Variants in TESC observed in about 807,000 individuals in gnomAD.
TESC encodes the protein tescalcin.
Under a neutral mutation model 31.0 loss-of-function variants are expected in TESC, and 19 were observed. The ratio of observed to expected loss-of-function variants is 0.61; its 90% confidence interval spans 0.43 to 0.90. TESC has a LOEUF of 0.90. Ranked by LOEUF, TESC falls within the 40% of genes least tolerant of loss-of-function variation. TESC has a pLI of 0.00. For missense variants in TESC, 248 were observed against 303.8 expected (o/e 0.82, Z 1.36); for synonymous variants, 109 against 114.8 (o/e 0.95, Z 0.32).
chr12:117,085,436 G>T (rs1955207971), intron 1 of TESC, among the ~76,000 whole-genome samples: 1 of 152,124 alleles, frequency 6.6e-6, no homozygotes, highest in African/African-American at 2.4e-5. Context: ...AAGGTGGAAG[G>T]GCTCAGGGCA....
intron 3 of TESC, among the ~76,000 whole-genome samples, chr12:117,052,523 C>G (rs1052400244): frequency 6.6e-6 from 1 of 152,138 alleles, no homozygotes; most frequent in Admixed American, 6.5e-5. Flanking sequence ...TCTGGGCCAG[C>G]CTTAGTCACT....
intron 3 of TESC, among the ~76,000 whole-genome samples, chr12:117,054,856 C>G (rs113908991): frequency 1.3e-5 from 2 of 152,128 alleles, no homozygotes; most frequent in East Asian, 1.9e-4. Flanking sequence ...ACATGGGGAC[C>G]GTGGGGCAAA....
chr12:117,072,335 G>A (rs1407014461), intron 2 of TESC, among the ~76,000 whole-genome samples: 2 of 152,178 alleles, frequency 1.3e-5, no homozygotes, highest in African/African-American at 4.8e-5. Flanking sequence ...CTCCAGCCTT[G>A]GCCTCCCAAA....
chr12:117,058,163 T>C (rs1246797821), intron 2 of TESC, among the ~76,000 whole-genome samples: 2 of 152,090 alleles, frequency 1.3e-5, no homozygotes, highest in African/African-American at 4.8e-5. Context: ...GAGGTTGCAG[T>C]GAGCCAAGAT....
chr12:117,089,052 C>T (rs1159421229), intron 1 of TESC, among the ~76,000 whole-genome samples: 3 of 152,184 alleles, frequency 2.0e-5, no homozygotes, highest in Admixed American at 2.0e-4. Context: ...GCTGCCTCTG[C>T]ACATCAGGTG....
rs540709921 is a variant in TESC at position 117,096,598 on chromosome 12, G to A, written c.58+2627C>T. 6.1e-3 allele frequency among the ~76,000 whole-genome samples: 922 copies of A among 151,990 alleles called. 11 individuals carry two copies. Among genetic ancestry groups the A allele is most frequent in the African/African-American group, 0.021 (880 of 41,346 alleles). Reference sequence around the variant, plus strand: ...TAAAGCATGGTCAATAACAAACCATGTACATGTGTTTGGTCTAACTACTTC... The same window carrying A: ...TAAAGCATGGTCAATAACAAACCATATACATGTGTTTGGTCTAACTACTTC... On this transcript the variant is annotated intron_variant, in intron 1 of 7. Coordinates refer to ENST00000335209, the MANE Select transcript of TESC (RefSeq NM_017899.4).
chr12:117,077,796 A>C (rs774584243), intron 1 of TESC, among the ~76,000 whole-genome samples: 1 of 152,176 alleles, frequency 6.6e-6, no homozygotes, highest in Non-Finnish European at 1.5e-5. Context: ...AGGAGGAGTA[A>C]CTTGAATGGA....
At chr12:117,099,171 T>A (rs947863612) in intron 1 of TESC, 54 bp downstream of exon 1, 2 of 1,459,018 alleles carry the variant, frequency 1.4e-6, no homozygotes. Context: ...TCCCCAACAG[T>A]GGCCGTTCGG....
intron 2 of TESC, among the ~76,000 whole-genome samples, chr12:117,069,334 T>C (rs919780849): frequency 1.3e-5 from 2 of 152,126 alleles, no homozygotes; most frequent in Non-Finnish European, 2.9e-5. Flanking sequence ...CTCCCTCCCA[T>C]GTTCAAGCGA....
intron 5 of TESC, 39 bp downstream of exon 5, chr12:117,046,738 C>T (rs1339554694): frequency 2.1e-5 from 32 of 1,554,554 alleles, no homozygotes; most frequent in Non-Finnish European, 2.8e-5. Context: ...AGGGGGAAGG[C>T]ACCAGGAGCC....
intron 1 of TESC, among the ~76,000 whole-genome samples, chr12:117,089,546 ATACCC>A (rs1955277253): frequency 6.6e-6 from 1 of 152,222 alleles, no homozygotes; most frequent in Non-Finnish European, 1.5e-5. Flanking sequence ...TGGAAGAACC[ATACCC>A]TATGAAAAAG....
chr12:117,095,426 T>C (rs1038176746), intron 1 of TESC, among the ~76,000 whole-genome samples: 4 of 152,126 alleles, frequency 2.6e-5, no homozygotes, highest in African/African-American at 9.7e-5. Context: ...AAACACCTGA[T>C]TGTACACATC....
At chr12:117,077,783 A>AC (rs1955093207) in intron 1 of TESC, among the ~76,000 whole-genome samples, 1 of 152,176 alleles carries the variant, frequency 6.6e-6, no homozygotes, top group African/African-American at 2.4e-5. Flanking sequence ...GGAGGATGAG[A>AC]TGAGGAGGAG....
chr12:117,046,465 T>C (rs1424419814), intron 6 of TESC, 94 bp downstream of exon 6: 24 of 1,244,510 alleles, frequency 1.9e-5, no homozygotes, highest in African/African-American at 3.0e-5. Context: ...GGTGGCAGAA[T>C]ACACCTGGCC....
chr12:117,039,081 G>T lies in TESC; in HGVS notation c.*52C>A. 1 of 1,594,262 alleles carries T rather than the reference G, an allele frequency of 6.3e-7. No individual in the cohort carries two copies. Among genetic ancestry groups the T allele is most frequent in the East Asian group, 2.3e-5 (1 of 44,100 alleles). Reference sequence around the variant, plus strand: ...CGGGCCTGGGCTGCTCCAGCTACGCGGGGAGGCGGCCCCATTGCAAAGTGC... The same window carrying T: ...CGGGCCTGGGCTGCTCCAGCTACGCTGGGAGGCGGCCCCATTGCAAAGTGC... On this transcript the variant is annotated 3_prime_UTR_variant, in exon 8 of 8. Transcript: ENST00000335209.
At chr12:117,077,431 A>G (rs567245287) in intron 1 of TESC, among the ~76,000 whole-genome samples, 1 of 152,384 alleles carries the variant, frequency 6.6e-6, no homozygotes, top group African/African-American at 2.4e-5. Flanking sequence ...AGGTATATAC[A>G]CAAATAACGC....
chr12:117,077,442 AT>A (rs1217587096), intron 1 of TESC, among the ~76,000 whole-genome samples: 6 of 152,246 alleles, frequency 3.9e-5, no homozygotes, highest in African/African-American at 9.6e-5. Flanking sequence ...CAAATAACGC[AT>A]ACTTCTGTTC....
intron 2 of TESC, among the ~76,000 whole-genome samples, chr12:117,060,150 T>G (rs1954782586): frequency 6.6e-6 from 1 of 152,100 alleles, no homozygotes; most frequent in African/African-American, 2.4e-5. Context: ...AATATGTGCA[T>G]TACAGCTCCA....
At chr12:117,039,283 C>T (rs1026663712) in intron 7 of TESC, 73 bp from the exon 8 acceptor site, 42 of 1,427,746 alleles carry the variant, frequency 2.9e-5, no homozygotes, top group Non-Finnish European at 3.8e-5. Context: ...CCCCGGTCCT[C>T]GGCCCTTCCC....
Sources: allele counts gnomAD v4.1 joint callset (sites outside exome capture counted in the v4.1 genomes callset), GRCh38; gene constraint gnomAD v4.1.1; transcripts MANE v1.5; gene names NCBI Gene and HGNC (gene_info 2026-07-23, HGNC 2026-07-21).